The following GPRASP3 variants were observed in gnomAD, a reference collection of about 807,000 sequenced individuals.
The protein encoded by GPRASP3 is G protein-coupled receptor associated sorting protein family member 3.
At chrX:102,728,370 T>C in the GPRASP3 span, among the ~76,000 whole-genome samples, 1 of 109,564 alleles carries the variant, frequency 9.1e-6, no homozygotes, top group African/African-American at 3.3e-5. Flanking sequence ...GAATTTTGAT[T>C]CAGGAGGTCA....
chrX:102,727,401 C>T, the GPRASP3 span, among the ~76,000 whole-genome samples: 1 of 111,948 alleles, frequency 8.9e-6, no homozygotes, highest in East Asian at 2.8e-4. Flanking sequence ...TGTAACCTTC[C>T]CCTAATGTCA....
the GPRASP3 span, chrX:102,752,757 A>G: frequency 1.6e-5 from 2 of 122,093 alleles, no homozygotes; most frequent in Non-Finnish European, 3.8e-5. Flanking sequence ...TTGTAAATAC[A>G]TTCATCACCC....
At chrX:102,726,591 C>T in the GPRASP3 span, among the ~76,000 whole-genome samples, 1 of 111,823 alleles carries the variant, frequency 8.9e-6, no homozygotes, top group African/African-American at 3.2e-5. Context: ...AACCCCAACT[C>T]TGGATAAATC....
the GPRASP3 span, among the ~76,000 whole-genome samples, chrX:102,736,720 G>A: frequency 6.3e-5 from 7 of 111,680 alleles, no homozygotes; most frequent in African/African-American, 1.6e-4. Context: ...GGATGTTGCC[G>A]TACCTTCCAG....
At chrX:102,733,327 C>T in the GPRASP3 span, among the ~76,000 whole-genome samples, 3 of 109,518 alleles carry the variant, frequency 2.7e-5, no homozygotes, top group South Asian at 1.2e-3. Flanking sequence ...GGCATGGTGG[C>T]GGGCGCCTGT....
chrX:102,726,459 T>C, the GPRASP3 span, among the ~76,000 whole-genome samples: 2 of 111,949 alleles, frequency 1.8e-5, no homozygotes, highest in Non-Finnish European at 3.8e-5. Context: ...CCTTATCCTT[T>C]TTTCCCTGTT....
At chrX:102,723,818 T>C in the GPRASP3 span, among the ~76,000 whole-genome samples, 13 of 111,637 alleles carry the variant, frequency 1.2e-4, no homozygotes, top group Non-Finnish European at 2.1e-4. Flanking sequence ...GGCTAGGTAT[T>C]AAGTTCAATC....
At chrX:102,727,711 T>C in the GPRASP3 span, among the ~76,000 whole-genome samples, 18 of 112,563 alleles carry the variant, frequency 1.6e-4, no homozygotes, top group African/African-American at 5.5e-4. Context: ...TCATCTATTC[T>C]TTCTTGCTTT....
At chrX:102,752,296 A>G in the GPRASP3 span, 7 of 123,412 alleles carry the variant, frequency 5.7e-5, no homozygotes, top group African/African-American at 2.3e-4. Flanking sequence ...GAAAGTTTCT[A>G]TGTGTGAAAA....
the GPRASP3 span, among the ~76,000 whole-genome samples, chrX:102,725,785 G>T: frequency 8.9e-6 from 1 of 112,500 alleles, no homozygotes; most frequent in African/African-American, 3.2e-5. Flanking sequence ...GACCTCAGGT[G>T]ATCCACCCGC....
the GPRASP3 span, chrX:102,753,534 C>G: frequency 8.2e-6 from 1 of 122,541 alleles, no homozygotes; most frequent in South Asian, 3.8e-4. Context: ...AAATCTCTCT[C>G]CACTTATTTA....
chrX:102,746,800 A>G, the GPRASP3 span, among the ~76,000 whole-genome samples: 1 of 112,866 alleles, frequency 8.9e-6, no homozygotes, highest in Admixed American at 9.3e-5. Context: ...CGCCTTTTAT[A>G]ATACCGCACT....
chrX:102,737,279 A>G, the GPRASP3 span, among the ~76,000 whole-genome samples: 1 of 112,340 alleles, frequency 8.9e-6, no homozygotes, highest in Non-Finnish European at 1.9e-5. Context: ...GCTTAGCCAA[A>G]TAGCCAATAC....
chrX:102,736,606 C>T, the GPRASP3 span, among the ~76,000 whole-genome samples: 19 of 111,115 alleles, frequency 1.7e-4, no homozygotes, highest in East Asian at 5.1e-3. Flanking sequence ...AGAAATGCTA[C>T]GGAGCAAGAC....
the GPRASP3 span, among the ~76,000 whole-genome samples, chrX:102,740,875 AAAGAAAAGAAAAAGAAAAG>A: frequency 9.0e-6 from 1 of 110,816 alleles, no homozygotes; most frequent in Admixed American, 9.6e-5. Context: ...AGAAGAAAGA[AAAGAAAAGAAAAAGAAAAG>A]AAGAAAAGAA....
At chrX:102,728,257 GC>G in the GPRASP3 span, among the ~76,000 whole-genome samples, 11 of 111,441 alleles carry the variant, frequency 9.9e-5, no homozygotes, top group African/African-American at 3.6e-4. Flanking sequence ...TAACTGCATT[GC>G]CCAGGCCAGT....
chrX:102,724,068 C>T, the GPRASP3 span, among the ~76,000 whole-genome samples: 2 of 111,437 alleles, frequency 1.8e-5, no homozygotes, highest in Admixed American at 9.6e-5. Flanking sequence ...TTGAGTTCTA[C>T]GAGTTGTTTC....
the GPRASP3 span, among the ~76,000 whole-genome samples, chrX:102,729,350 G>A: frequency 9.0e-6 from 1 of 111,731 alleles, no homozygotes; most frequent in African/African-American, 3.3e-5. Context: ...AGAGAAAGGC[G>A]CTAAAATAAA....
the GPRASP3 span, among the ~76,000 whole-genome samples, chrX:102,736,258 A>T: frequency 8.9e-6 from 1 of 112,432 alleles, no homozygotes; most frequent in South Asian, 3.7e-4. Flanking sequence ...TTTCCCAAAG[A>T]TTATTTAGGT....
Sources: allele counts gnomAD v4.1 joint callset (sites outside exome capture counted in the v4.1 genomes callset), GRCh38; gene constraint gnomAD v4.1.1; transcripts MANE v1.5; gene names NCBI Gene and HGNC (gene_info 2026-07-23, HGNC 2026-07-21).